Variants in STK32B observed in about 807,000 individuals in gnomAD.
The protein encoded by STK32B is serine/threonine kinase 32B.
STK32B carries 43 observed loss-of-function variants against 52.6 expected under a neutral mutation model. The observed-to-expected ratio is 0.82, with a 90% CI of 0.64 to 1.05. STK32B has a LOEUF of 1.05. Among genes scored for constraint, STK32B ranks in the 50% least tolerant of loss-of-function variants. The probability of loss-of-function intolerance (pLI) is 0.00; values close to 1 mark genes in which losing one functional copy is unlikely to be tolerated. For missense variants in STK32B, 621 were observed against 534.6 expected (o/e 1.16, Z -1.59); for synonymous variants, 238 against 204.3 (o/e 1.17, Z -1.41).
chr4:5,383,420 T>C (rs796601019), intron 4 of STK32B, among the ~76,000 whole-genome samples: 15 of 152,328 alleles, frequency 9.8e-5, no homozygotes, highest in African/African-American at 3.4e-4. Flanking sequence ...TTAATGAGGC[T>C]ATGCCTATGT....
At chr4:5,088,638 TAA>T (rs1381306226) in intron 1 of STK32B, among the ~76,000 whole-genome samples, 1 of 151,972 alleles carries the variant, frequency 6.6e-6, no homozygotes, top group African/African-American at 2.4e-5. Flanking sequence ...ACACAAAGGA[TAA>T]CTGTTTGAGA....
Position 5,467,425 on chromosome 4 carries a change from A to G in STK32B, c.1042-581A>G, listed in dbSNP as rs556009745. Among the ~76,000 whole-genome samples the G allele has an allele frequency of 2.1e-4, 32 of 152,194 alleles. No homozygotes were observed. The East Asian group carries it at 6.2e-3, about 30-fold the overall frequency. On this transcript the variant is annotated intron_variant, in intron 10 of 11. Coordinates refer to ENST00000282908, the MANE Select transcript of STK32B (RefSeq NM_018401.3). The surrounding 1 kb of genome is among the most constrained non-coding windows in gnomAD (Gnocchi z 5.8). Reference sequence around the variant, plus strand: ...TTCCAGTCTCTCCCTCCGTCACTGCATGGCCTTATTCTCTGTGTCTTCGCA... The same window carrying G: ...TTCCAGTCTCTCCCTCCGTCACTGCGTGGCCTTATTCTCTGTGTCTTCGCA...
chr4:5,126,377 C>T (rs997349717), intron 1 of STK32B, among the ~76,000 whole-genome samples: 4 of 152,160 alleles, frequency 2.6e-5, no homozygotes, highest in Non-Finnish European at 4.4e-5. Context: ...GCCTTCAGGC[C>T]CCCACTGCCC....
At chr4:5,175,549 G>A (rs1455640098) in intron 3 of STK32B, among the ~76,000 whole-genome samples, 2 of 152,184 alleles carry the variant, frequency 1.3e-5, no homozygotes, top group Non-Finnish European at 2.9e-5. Context: ...AGGTCTGTTG[G>A]AGTTTAATGG....
chr4:5,438,065 G>T, intron 6 of STK32B: 1 of 985,610 alleles, frequency 1.0e-6, no homozygotes, highest in Non-Finnish European at 1.2e-6. Flanking sequence ...ACTTGGGGCT[G>T]CCAGGCATGA....
chr4:5,415,239 C>A (rs573835744), intron 5 of STK32B, among the ~76,000 whole-genome samples: 121 of 152,276 alleles, frequency 7.9e-4, no homozygotes, highest in African/African-American at 2.6e-3. Context: ...TCACTCTAAC[C>A]GTTTCATGTG....
At chr4:5,162,440 G>A (rs1308719191) in intron 2 of STK32B, among the ~76,000 whole-genome samples, 1 of 152,188 alleles carries the variant, frequency 6.6e-6, no homozygotes, top group Non-Finnish European at 1.5e-5. Flanking sequence ...GCGTGCAGGT[G>A]TGTTGCAGGT....
At chr4:5,191,701 C>T (rs1015674108) in intron 3 of STK32B, among the ~76,000 whole-genome samples, 1 of 152,264 alleles carries the variant, frequency 6.6e-6, no homozygotes, top group South Asian at 2.1e-4. Flanking sequence ...CAGCCTGCTT[C>T]GTCGGCTGAG....
chr4:5,074,858 G>C (rs889595568), intron 1 of STK32B, among the ~76,000 whole-genome samples: 1 of 152,080 alleles, frequency 6.6e-6, no homozygotes, highest in African/African-American at 2.4e-5. Context: ...TGTTAGAATG[G>C]ATCTCTTTTG....
chr4:5,464,865 C>T (rs772471398), intron 9 of STK32B, among the ~76,000 whole-genome samples: 16 of 152,066 alleles, frequency 1.1e-4, no homozygotes, highest in Non-Finnish European at 2.2e-4. Context: ...TATTTATGAA[C>T]GAATGAATGA....
intron 3 of STK32B, among the ~76,000 whole-genome samples, chr4:5,281,039 TACAGTC>T (rs1728159139): frequency 6.6e-6 from 1 of 152,044 alleles, no homozygotes; most frequent in African/African-American, 2.4e-5. Context: ...TCAGGAAACT[TACAGTC>T]ATAGTGGAAG....
chr4:5,204,425 AG>A (rs750036391), intron 3 of STK32B, among the ~76,000 whole-genome samples: 42 of 149,262 alleles, frequency 2.8e-4, no homozygotes, highest in African/African-American at 6.2e-4. Flanking sequence ...TTTGTTTTTT[AG>A]GTTTTTTTTG....
rs183515532 is a variant in STK32B at position 5,496,377 on chromosome 4, C to A, written c.1107-2568C>A. 2.6e-5 allele frequency among the ~76,000 whole-genome samples: 4 copies of A among 152,182 alleles called. No individual in the cohort carries two copies. The South Asian group carries it at 8.3e-4, about 32-fold the overall frequency. On this transcript the variant is annotated intron_variant, in intron 11 of 11. Coordinates refer to ENST00000282908, the MANE Select transcript of STK32B (RefSeq NM_018401.3). The stretch of plus-strand genomic sequence containing the variant: ...GAGACTCCGTGGGCATAGGACCCTC[C>A]GAGCCAGGTGCGGGATATCTCCTGG...
intron 3 of STK32B, among the ~76,000 whole-genome samples, chr4:5,242,842 C>A (rs1292762239): frequency 6.6e-6 from 1 of 152,170 alleles, no homozygotes; most frequent in Non-Finnish European, 1.5e-5. Flanking sequence ...AGAATCCTTT[C>A]CCCATTGCTT....
intron 5 of STK32B, among the ~76,000 whole-genome samples, chr4:5,407,917 A>G (rs1429399150): frequency 6.6e-6 from 1 of 152,114 alleles, no homozygotes; most frequent in Non-Finnish European, 1.5e-5. Flanking sequence ...TGGAACCTGC[A>G]TGAATGGGAT....
chr4:5,287,226 A>G (rs1728608618), intron 3 of STK32B, among the ~76,000 whole-genome samples: 1 of 152,216 alleles, frequency 6.6e-6, no homozygotes, highest in Non-Finnish European at 1.5e-5. Context: ...ATTCCAGTCA[A>G]CAGTGAATGA....
chr4:5,423,256 T>C (rs1157520799), intron 6 of STK32B, among the ~76,000 whole-genome samples: 1 of 152,116 alleles, frequency 6.6e-6, no homozygotes, highest in East Asian at 1.9e-4. Context: ...ATGAGGCAGC[T>C]GGGTGTCTTC....
At chr4:5,402,160 G>A (rs984382495) in intron 5 of STK32B, among the ~76,000 whole-genome samples, 1 of 152,272 alleles carries the variant, frequency 6.6e-6, no homozygotes, top group African/African-American at 2.4e-5. Context: ...GACAAAGCGA[G>A]TCACTTGGCC....
intron 3 of STK32B, among the ~76,000 whole-genome samples, chr4:5,192,413 A>G (rs374358779): frequency 6.6e-6 from 1 of 152,156 alleles, no homozygotes; most frequent in South Asian, 2.1e-4. Context: ...AGAAGGTGCA[A>G]TTTATTTAGA....
Sources: allele counts gnomAD v4.1 joint callset (sites outside exome capture counted in the v4.1 genomes callset), GRCh38; gene constraint gnomAD v4.1.1; non-coding constraint Gnocchi (gnomAD v3.1); transcripts MANE v1.5; gene names NCBI Gene and HGNC (gene_info 2026-07-23, HGNC 2026-07-21).